Variants in PCDHGB6 observed in about 807,000 individuals in gnomAD.
PCDHGB6 encodes protocadherin gamma subfamily B, 6, also known as protocadherin gamma-B6.
In PCDHGB6, 51 loss-of-function variants were observed where a neutral mutation model predicts 59.1. The ratio of observed to expected loss-of-function variants is 0.86; its 90% confidence interval spans 0.69 to 1.09. The LOEUF is 1.09. Among genes scored for constraint, PCDHGB6 ranks in the 50% least tolerant of loss-of-function variants. PCDHGB6 has a pLI of 0.00. For synonymous variants in PCDHGB6, 466 were observed against 495.1 expected (o/e 0.94, Z 0.78); for missense variants, 1,148 against 1,205.1 (o/e 0.95, Z 0.70).
In PCDHGB6 at chr5:141,476,401, G is replaced by A. The variant is rs772438777; in HGVS notation, c.2419-18406G>A. The A allele has an allele frequency of 1.9e-6, 3 of 1,614,054 alleles. No individual in the cohort carries two copies. Among genetic ancestry groups the A allele is most frequent in the African/African-American group, 2.7e-5 (2 of 74,926 alleles). On this transcript the variant is annotated intron_variant, in intron 1 of 3. Coordinates refer to ENST00000520790, the MANE Select transcript of PCDHGB6 (RefSeq NM_018926.3). This position sits in a 1 kb window ranked among gnomAD's most constrained non-coding sequence, Gnocchi z 7.6. ...TTGTGAACGACCGTCTGGATCGAGA[G>A]GAGCTGTGTGGGACACTGCCCTCTT...
At chr5:141,440,030 G>A (rs780807702) in intron 1 of PCDHGB6, 2 of 153,028 alleles carry the variant, frequency 1.3e-5, no homozygotes, top group African/African-American at 2.4e-5. Context: ...ACTCAGTGTC[G>A]AGGACATGCC....
At chr5:141,473,098 A>G (rs564554159) in intron 1 of PCDHGB6, among the ~76,000 whole-genome samples, 6 of 152,300 alleles carry the variant, frequency 3.9e-5, no homozygotes, top group South Asian at 4.1e-4. Context: ...TGTGAGTTGT[A>G]TTACCACACT....
intron 1 of PCDHGB6, among the ~76,000 whole-genome samples, chr5:141,481,259 C>T (rs1176419744): frequency 1.3e-5 from 2 of 152,146 alleles, no homozygotes; most frequent in African/African-American, 4.8e-5. Context: ...TCTAAAAGAT[C>T]ACTGTAGGAA....
intron 1 of PCDHGB6, chr5:141,421,903 G>A (rs757656265): frequency 6.2e-6 from 10 of 1,613,704 alleles, no homozygotes; most frequent in African/African-American, 1.3e-5. Flanking sequence ...CCGAAAGGGC[G>A]CAGTTCCCAT....
chr5:141,434,506 T>C (rs2154556236), intron 1 of PCDHGB6, among the ~76,000 whole-genome samples: 2 of 152,344 alleles, frequency 1.3e-5, no homozygotes, highest in East Asian at 3.9e-4. Context: ...GGCAGAAAAC[T>C]GCTTAAAGGT....
At chr5:141,507,785 C>T (rs1203302886) in intron 3 of PCDHGB6, among the ~76,000 whole-genome samples, 1 of 152,222 alleles carries the variant, frequency 6.6e-6, no homozygotes, top group African/African-American at 2.4e-5. Context: ...GCCTGACCCT[C>T]GTCTAAGCCT....
At chr5:141,437,345 A>T (rs1018513998) in intron 1 of PCDHGB6, among the ~76,000 whole-genome samples, 2 of 152,252 alleles carry the variant, frequency 1.3e-5, no homozygotes, top group Non-Finnish European at 2.9e-5. Context: ...TCACTGTTTT[A>T]TAGTACCTAA....
chr5:141,409,623 T>G lies in PCDHGB6; in HGVS notation c.1421T>G (p.Val474Gly). The part of the protein sequence containing the change: ...NNPPGASIAQ[V>G]SASDPDLGLN... ...CCGCCAGGAGCCTCCATTGCGCAAG[T>G]GAGCGCCTCTGACCCGGATTTGGGG... Residue 474 changes from valine to glycine, a missense_variant, in exon 1 of 4, where the codon GTG (valine) becomes GGG (glycine). Transcript: ENST00000520790. The G allele has an allele frequency of 6.2e-7, 1 of 1,613,854 alleles. No homozygotes were observed. The highest frequency in any genetic ancestry group is 8.5e-7 in the Non-Finnish European group (1 of 1,179,884).
chr5:141,434,920 A>C (rs927245955), intron 1 of PCDHGB6, among the ~76,000 whole-genome samples: 1 of 151,796 alleles, frequency 6.6e-6, no homozygotes. Flanking sequence ...ATTTATGTAC[A>C]TATATTTTAT....
chr5:141,423,612 TGAAGAC>T, intron 1 of PCDHGB6: 1 of 1,611,004 alleles, frequency 6.2e-7, no homozygotes, highest in African/African-American at 1.3e-5. Flanking sequence ...TCTTGATAGC[TGAAGAC>T]TCAGCTATCA....
intron 1 of PCDHGB6, chr5:141,478,743 A>G: frequency 6.5e-7 from 1 of 1,528,732 alleles, no homozygotes; most frequent in Non-Finnish European, 8.8e-7. Context: ...TTGTGGTCCC[A>G]TTTCAGGGGG....
At chr5:141,443,792 A>G (rs540226154) in intron 1 of PCDHGB6, among the ~76,000 whole-genome samples, 67 of 152,366 alleles carry the variant, frequency 4.4e-4, no homozygotes, top group African/African-American at 1.4e-3. Flanking sequence ...AAAAAAAATG[A>G]AAAGGAAACA....
rs770685748 is a variant in PCDHGB6 at position 141,486,601 on chromosome 5, C to T, written c.2419-8206C>T. 9 of 1,613,558 alleles carry T rather than the reference C, an allele frequency of 5.6e-6. No homozygotes were observed. The highest frequency in any genetic ancestry group is 7.6e-6 in the Non-Finnish European group (9 of 1,180,024). On this transcript the variant is annotated intron_variant, in intron 1 of 3. Transcript: ENST00000520790. This position sits in a 1 kb window ranked among gnomAD's most constrained non-coding sequence, Gnocchi z 5.0. ...ATCGCCCAGGGGACCTGCTTTGCTC[C>T]CTTGCAGCCTCTGACCCAGACTCTG...
intron 1 of PCDHGB6, chr5:141,441,621 G>T: frequency 4.5e-6 from 1 of 223,408 alleles, no homozygotes; most frequent in South Asian, 5.2e-5. Context: ...CGTGGCCAGT[G>T]ACCTGGAGCC....
intron 1 of PCDHGB6, among the ~76,000 whole-genome samples, chr5:141,447,898 C>T (rs531933709): frequency 3.1e-3 from 465 of 152,088 alleles, no homozygotes; most frequent in Non-Finnish European, 5.5e-3. Context: ...CCAGCCTGGC[C>T]AACATGGTGA....
chr5:141,415,163 C>G (rs572456395), intron 1 of PCDHGB6: 11 of 1,613,856 alleles, frequency 6.8e-6, no homozygotes, highest in African/African-American at 1.3e-5. Context: ...GCCACTGTCA[C>G]GCTCACCGTG....
intron 1 of PCDHGB6, chr5:141,478,106 G>T: frequency 6.2e-7 from 1 of 1,614,046 alleles, no homozygotes; most frequent in Non-Finnish European, 8.5e-7. Flanking sequence ...TACCCTCACT[G>T]TGTCAGTAAC....
chr5:141,418,246 C>T lies in PCDHGB6; in HGVS notation c.2418+7626C>T, dbSNP rs200526306. 4.5e-5 allele frequency: 72 copies of T among 1,614,020 alleles called. No individual in the cohort carries two copies. The African/African-American group carries it at 8.9e-4, about 20-fold the overall frequency. On this transcript the variant is annotated intron_variant, in intron 1 of 3. Coordinates refer to ENST00000520790, the MANE Select transcript of PCDHGB6 (RefSeq NM_018926.3). The stretch of plus-strand genomic sequence containing the variant: ...TGGTGATTGAGGATGTTAATGACCA[C>T]GCCCCTCAATTCCGGAAAGATGAAA...
intron 1 of PCDHGB6, among the ~76,000 whole-genome samples, chr5:141,425,189 T>C (rs1042702500): frequency 2.6e-5 from 4 of 152,116 alleles, no homozygotes; most frequent in African/African-American, 7.2e-5. Flanking sequence ...AATTCCAAAC[T>C]GAGAAAAATG....
Sources: allele counts gnomAD v4.1 joint callset (sites outside exome capture counted in the v4.1 genomes callset), GRCh38; gene constraint gnomAD v4.1.1; non-coding constraint Gnocchi (gnomAD v3.1); transcripts MANE v1.5; gene names NCBI Gene and HGNC (gene_info 2026-07-23, HGNC 2026-07-21).